The following LRRTM4 variants were observed in gnomAD, a reference collection of about 807,000 sequenced individuals.
The protein encoded by LRRTM4 is leucine rich repeat transmembrane neuronal 4, also known as leucine-rich repeat transmembrane neuronal protein 4.
A neutral mutation model predicts 47.6 loss-of-function variants in LRRTM4; 25 were observed. That is an observed-to-expected ratio of 0.53 (90% CI 0.38 to 0.73). LRRTM4 has a LOEUF of 0.73. LRRTM4 is among the 30% of genes least tolerant of loss of function. The pLI, the probability that LRRTM4 is intolerant of heterozygous loss-of-function variation, is 0.00. For missense variants in LRRTM4, 638 were observed against 713.4 expected (o/e 0.89, Z 1.20); for synonymous variants, 311 against 269.5 (o/e 1.15, Z -1.51).
At chr2:76,822,908 A>G (rs1172448959) in intron 3 of LRRTM4, among the ~76,000 whole-genome samples, 1 of 151,450 alleles carries the variant, frequency 6.6e-6, no homozygotes, top group Admixed American at 6.6e-5. Context: ...ACCCATATAA[A>G]AGTAATAAAA....
intron 3 of LRRTM4, among the ~76,000 whole-genome samples, chr2:77,179,401 G>A (rs1232514453): frequency 1.3e-5 from 2 of 152,138 alleles, no homozygotes; most frequent in African/African-American, 2.4e-5. Context: ...TGAGTCAGAG[G>A]TTCTTGAAAT....
rs758741225 is a variant in LRRTM4, at chr2:77,519,551, T to C, written c.318A>G (p.Gln106=). ...TTAATTCTTTCAGTCTACGGATCCC[T>C]TGAAATGCATCTTCATCCACTGAGC... ...YISSVDEDAF[Q]GIRRLKELIL... is the part of the protein sequence containing the mutation. The change falls in exon 3 of 4, where the codon CAA becomes CAG. Residue 106 remains glutamine (Q), a synonymous_variant. Transcript: ENST00000409884. The surrounding 1 kb of genome is among the most constrained non-coding windows in gnomAD (Gnocchi z 4.6). 12 of 1,613,372 alleles carry C rather than the reference T, an allele frequency of 7.4e-6. No homozygotes were observed. In the African/African-American group the frequency reaches 1.1e-4, roughly 14 times the overall value.
Position 76,912,003 on chromosome 2 carries a change from A to G in LRRTM4, c.1552-163087T>C, listed in dbSNP as rs1674082558. On this transcript the variant is annotated intron_variant, in intron 3 of 3. Coordinates refer to ENST00000409884, the MANE Select transcript of LRRTM4 (RefSeq NM_001134745.3). ...GGAGTGCAGTGGCCGATCTCCACTC[A>G]CTGCAAGCTCCGCCTTCTGGGTTCA... Among the ~76,000 whole-genome samples, 3 of 144,144 alleles carry G rather than the reference A, an allele frequency of 2.1e-5. No homozygotes were observed. In the South Asian group the frequency reaches 6.5e-4, roughly 31 times the overall value. 94.6% of individuals were successfully genotyped at this position (144,144 alleles called of 152,430 possible).
intron 3 of LRRTM4, among the ~76,000 whole-genome samples, chr2:77,223,589 T>C (rs545828280): frequency 6.6e-6 from 1 of 152,172 alleles, no homozygotes; most frequent in Non-Finnish European, 1.5e-5. Context: ...AGCCAAATCA[T>C]GAGTGAACTC....
intron 3 of LRRTM4, among the ~76,000 whole-genome samples, chr2:76,784,534 T>C (rs1674570385): frequency 6.6e-6 from 1 of 152,058 alleles, no homozygotes; most frequent in Admixed American, 6.5e-5. Context: ...TACTTAGATT[T>C]CTCTTTTGTT....
chr2:76,912,198 C>T (rs1401785892), intron 3 of LRRTM4, among the ~76,000 whole-genome samples: 2 of 152,124 alleles, frequency 1.3e-5, no homozygotes, highest in African/African-American at 4.8e-5. Context: ...GGATTACAGG[C>T]GTGAGCCACC....
intron 3 of LRRTM4, among the ~76,000 whole-genome samples, chr2:76,918,656 G>C (rs1451156756): frequency 6.6e-6 from 1 of 152,160 alleles, no homozygotes; most frequent in Non-Finnish European, 1.5e-5. Flanking sequence ...TGGTGGCCTA[G>C]TTAACAGCCA....
At chr2:76,880,745 G>C (rs1002137476) in intron 3 of LRRTM4, among the ~76,000 whole-genome samples, 14 of 152,124 alleles carry the variant, frequency 9.2e-5, no homozygotes, top group Non-Finnish European at 1.8e-4. Flanking sequence ...TATGACTAGA[G>C]AGGTAATTAA....
chr2:77,494,725 G>A (rs1678296473), intron 3 of LRRTM4, among the ~76,000 whole-genome samples: 1 of 151,964 alleles, frequency 6.6e-6, no homozygotes, highest in Non-Finnish European at 1.5e-5. Flanking sequence ...TACTGATAAA[G>A]CCATTAACAC....
chr2:76,971,433 G>C (rs565612047), intron 3 of LRRTM4, among the ~76,000 whole-genome samples: 1 of 152,018 alleles, frequency 6.6e-6, no homozygotes, highest in East Asian at 1.9e-4. Flanking sequence ...ATCCCAGAAG[G>C]AATATCAGTT....
chr2:76,904,394 T>G (rs1429015621), intron 3 of LRRTM4, among the ~76,000 whole-genome samples: 1 of 152,220 alleles, frequency 6.6e-6, no homozygotes, highest in Non-Finnish European at 1.5e-5. Context: ...CAGGAAATCC[T>G]TCCGACTTGC....
At chr2:77,381,076 T>C (rs1465267593) in intron 3 of LRRTM4, among the ~76,000 whole-genome samples, 1 of 152,100 alleles carries the variant, frequency 6.6e-6, no homozygotes, top group African/African-American at 2.4e-5. Flanking sequence ...TTTTAGTGAA[T>C]TATCCATATG....
chr2:76,980,971 ATTCTTT>A (rs1478835708), intron 3 of LRRTM4, among the ~76,000 whole-genome samples: 1 of 152,108 alleles, frequency 6.6e-6, no homozygotes, highest in Non-Finnish European at 1.5e-5. Flanking sequence ...ACAATGTCTT[ATTCTTT>A]AACACTGGCC....
chr2:77,268,293 T>C (rs1035314334), intron 3 of LRRTM4, among the ~76,000 whole-genome samples: 1 of 152,156 alleles, frequency 6.6e-6, no homozygotes, highest in African/African-American at 2.4e-5. Context: ...TTGGCCCTTT[T>C]CCAGGAATCT....
chr2:77,114,126 G>T (rs946039704), intron 3 of LRRTM4, among the ~76,000 whole-genome samples: 11 of 152,084 alleles, frequency 7.2e-5, no homozygotes, highest in African/African-American at 2.7e-4. Context: ...TCCAGATTCA[G>T]AAAACTGTAG....
chr2:77,309,839 T>G (rs530629363), intron 3 of LRRTM4, among the ~76,000 whole-genome samples: 1 of 152,312 alleles, frequency 6.6e-6, no homozygotes, highest in East Asian at 1.9e-4. Context: ...AAAATAATAA[T>G]GTAGGCCAAC....
chr2:76,797,302 G>T (rs1420122450), intron 3 of LRRTM4, among the ~76,000 whole-genome samples: 1 of 151,938 alleles, frequency 6.6e-6, no homozygotes, highest in Non-Finnish European at 1.5e-5. Context: ...GAGAGTGGGG[G>T]CCAATATTCA....
chr2:77,332,354 C>T (rs1294760901), intron 3 of LRRTM4, among the ~76,000 whole-genome samples: 1 of 152,144 alleles, frequency 6.6e-6, no homozygotes, highest in East Asian at 1.9e-4. Flanking sequence ...AAATCAGGAG[C>T]TACATAATTA....
chr2:77,428,525 GAGA>G (rs1286845863), intron 3 of LRRTM4, among the ~76,000 whole-genome samples: 17 of 152,252 alleles, frequency 1.1e-4, no homozygotes, highest in African/African-American at 4.1e-4. Context: ...CATTTAATGT[GAGA>G]AGGACTCTTA....
Sources: gnomAD v4.1 joint callset for allele counts (sites outside exome capture counted in the v4.1 genomes callset) on GRCh38, gnomAD v4.1.1 for gene constraint, Gnocchi (gnomAD v3.1) non-coding constraint, MANE v1.5 for transcripts, NCBI Gene and HGNC (gene_info 2026-07-23, HGNC 2026-07-21) for gene names.